Variants in EXD3 observed in about 807,000 individuals in gnomAD.
EXD3 encodes the protein exonuclease mut-7 homolog.
EXD3 carries 92 observed loss-of-function variants against 98.0 expected under a neutral mutation model. The ratio of observed to expected loss-of-function variants is 0.94; its 90% confidence interval spans 0.79 to 1.12. The LOEUF is 1.12. EXD3 is among the 50% of genes most tolerant of loss of function. EXD3 has a pLI of 0.00. For synonymous variants in EXD3, 569 were observed against 526.0 expected (o/e 1.08, Z -1.12); for missense variants, 1,222 against 1,191.6 (o/e 1.03, Z -0.38).
At chr9:137,408,464 G>A (rs1193311997) in intron 1 of EXD3, among the ~76,000 whole-genome samples, 3 of 149,048 alleles carry the variant, frequency 2.0e-5, no homozygotes, top group African/African-American at 4.9e-5. Flanking sequence ...GGTGAATGGC[G>A]TGAACCCGGG....
intron 1 of EXD3, among the ~76,000 whole-genome samples, chr9:137,397,249 C>G (rs868854837): frequency 3.9e-5 from 6 of 152,180 alleles, no homozygotes; most frequent in Non-Finnish European, 7.3e-5. Flanking sequence ...ACCAAGCCCA[C>G]GAAAGCCGGA....
intron 14 of EXD3, 129 bp downstream of exon 14, chr9:137,350,909 A>G: frequency 1.4e-6 from 1 of 719,174 alleles, no homozygotes; most frequent in Non-Finnish European, 2.3e-6. Flanking sequence ...GGCCCTGGTG[A>G]CTGAGGCTGT....
In EXD3 at chr9:137,385,734, A is replaced by G. The variant is rs1408737035; in HGVS notation, c.56-2357T>C. ...TTTTTAGTAGAGACGGGTTTTCACCATGTTGGCCAGGCTGGTCTTGAACTC... is the reference window on the plus strand; with the variant it reads ...TTTTTAGTAGAGACGGGTTTTCACCGTGTTGGCCAGGCTGGTCTTGAACTC... On this transcript the variant is annotated intron_variant, in intron 2 of 21. Transcript: ENST00000340951. This position sits in a 1 kb window ranked among gnomAD's most constrained non-coding sequence, Gnocchi z 4.4. Among the ~76,000 whole-genome samples the G allele has an allele frequency of 6.6e-6, 1 of 151,994 alleles. No homozygotes were observed. Among genetic ancestry groups the G allele is most frequent in the Non-Finnish European group, 1.5e-5 (1 of 68,016 alleles).
intron 3 of EXD3, among the ~76,000 whole-genome samples, chr9:137,378,613 C>T (rs1314404929): frequency 6.6e-6 from 1 of 152,218 alleles, no homozygotes; most frequent in Non-Finnish European, 1.5e-5. Context: ...CGCAGATGAC[C>T]CTCAGCTGTC....
chr9:137,355,187 C>T lies in EXD3; in HGVS notation c.758-414G>A, dbSNP rs899939244. ...CATGAGCGGCAGGGACTGAGGCACA[C>T]GCACGTCCACACCCTCCGTCAGCCT... On this transcript the variant is annotated intron_variant, in intron 8 of 21. Coordinates refer to ENST00000340951, the MANE Select transcript of EXD3 (RefSeq NM_017820.5). 1.2e-4 allele frequency among the ~76,000 whole-genome samples: 18 copies of T among 152,258 alleles called. No homozygotes were observed. The East Asian group carries it at 1.4e-3, about 11-fold the overall frequency.
chr9:137,317,411 C>T (rs1039189214), intron 19 of EXD3, among the ~76,000 whole-genome samples: 1 of 152,128 alleles, frequency 6.6e-6, no homozygotes, highest in African/African-American at 2.4e-5. Context: ...CCCGGGGCCA[C>T]CTGAGGAGGG....
At chr9:137,356,142 C>A in intron 8 of EXD3, 126 bp downstream of exon 8, 2 of 691,182 alleles carry the variant, frequency 2.9e-6, no homozygotes, top group Non-Finnish European at 4.9e-6. Flanking sequence ...CAGGGAGGGG[C>A]TCTCTGGGAA....
chr9:137,410,612 C>G (rs1329386242), intron 1 of EXD3, among the ~76,000 whole-genome samples: 1 of 152,146 alleles, frequency 6.6e-6, no homozygotes, highest in Non-Finnish European at 1.5e-5. Flanking sequence ...TTCTGAGAAC[C>G]CCAGAGGCTC....
chr9:137,401,153 T>G (rs1482893174), intron 1 of EXD3, among the ~76,000 whole-genome samples: 14 of 14,810 alleles, frequency 9.5e-4, no homozygotes, highest in Admixed American at 1.1e-3. Context: ...ACCCATTTCC[T>G]TTTTTTTTTT....
At chr9:137,398,842 G>A (rs1425109587) in intron 1 of EXD3, among the ~76,000 whole-genome samples, 1 of 133,744 alleles carries the variant, frequency 7.5e-6, no homozygotes, top group Non-Finnish European at 1.6e-5. Flanking sequence ...ACGTGCACCC[G>A]CATCCCCAAG....
At chr9:137,338,047 A>G (rs1216012772) in intron 17 of EXD3, among the ~76,000 whole-genome samples, 1 of 152,174 alleles carries the variant, frequency 6.6e-6, no homozygotes, top group Non-Finnish European at 1.5e-5. Flanking sequence ...TCGGCCTCCC[A>G]AAGTGCTGGG....
At chr9:137,325,139 G>A (rs958693603) in intron 17 of EXD3, among the ~76,000 whole-genome samples, 12 of 152,148 alleles carry the variant, frequency 7.9e-5, no homozygotes, top group African/African-American at 2.9e-4. Flanking sequence ...CAATCCCATC[G>A]CCGGGAGTGC....
intron 17 of EXD3, among the ~76,000 whole-genome samples, chr9:137,330,446 C>G (rs561389774): frequency 3.4e-5 from 4 of 117,080 alleles, no homozygotes; most frequent in South Asian, 5.9e-4. Context: ...CTACACAGGA[C>G]TACACAGGAG....
chr9:137,419,936 G>T (rs1437822927), intron 1 of EXD3, among the ~76,000 whole-genome samples: 1 of 152,136 alleles, frequency 6.6e-6, no homozygotes, highest in African/African-American at 2.4e-5. Context: ...AAGGCGGGCG[G>T]ATCACGAGGT....
rs1440764084 is a variant in EXD3, at chr9:137,373,073, C to G, written c.295-1G>C. The G allele has an allele frequency of 3.3e-5, 52 of 1,565,548 alleles. No individual in the cohort carries two copies. In the Admixed American group the frequency reaches 9.3e-4, roughly 28 times the overall value. Reference sequence around the variant, plus strand: ...GCAGCTGCTTCAGCCTCAGGCTGTGCTGGAAGAGCAGGGACCCAGACTTAC... The same window carrying G: ...GCAGCTGCTTCAGCCTCAGGCTGTGGTGGAAGAGCAGGGACCCAGACTTAC... On this transcript the variant is annotated splice_acceptor_variant, in intron 4 of 21. Coordinates refer to ENST00000340951, the MANE Select transcript of EXD3 (RefSeq NM_017820.5). LOFTEE classifies it high-confidence loss of function.
At chr9:137,382,195 A>C in intron 3 of EXD3, among the ~76,000 whole-genome samples, 1 of 151,646 alleles carries the variant, frequency 6.6e-6, no homozygotes, top group African/African-American at 2.4e-5. Flanking sequence ...CGCGCGGAGG[A>C]GGTGAGGGCA....
At chr9:137,408,653 C>G (rs943546135) in intron 1 of EXD3, among the ~76,000 whole-genome samples, 1 of 152,016 alleles carries the variant, frequency 6.6e-6, no homozygotes, top group Non-Finnish European at 1.5e-5. Flanking sequence ...TCCAGCACAG[C>G]TGAACCGGCC....
Position 137,393,111 on chromosome 9 carries a change from G to A in EXD3, c.55+2192C>T, listed in dbSNP as rs893319440. 1.4e-6 allele frequency: 1 copy of A among 698,942 alleles called. No homozygotes were observed. The highest frequency in any genetic ancestry group is 1.8e-5 in the African/African-American group (1 of 56,684). The allele number at this position is 698,942 out of a possible 1,614,324, so 43.3% of individuals were successfully genotyped here. ...GGTGGGGGTGCCGTGTCTGTTCCAG[G>A]GAGGGCCATTAGTGTTCCAGGGGGC... On this transcript the variant is annotated intron_variant, in intron 2 of 21. Coordinates refer to ENST00000340951, the MANE Select transcript of EXD3 (RefSeq NM_017820.5). This position sits in a 1 kb window ranked among gnomAD's most constrained non-coding sequence, Gnocchi z 4.6.
chr9:137,407,231 C>T lies in EXD3; in HGVS notation c.-47-11827G>A, dbSNP rs896115152. Among the ~76,000 whole-genome samples the T allele has an allele frequency of 2.0e-5, 3 of 152,204 alleles. No homozygotes were observed. The highest frequency in any genetic ancestry group is 4.4e-5 in the Non-Finnish European group (3 of 68,026). On this transcript the variant is annotated intron_variant, in intron 1 of 21. Coordinates refer to ENST00000340951, the MANE Select transcript of EXD3 (RefSeq NM_017820.5). The surrounding 1 kb of genome is among the most constrained non-coding windows in gnomAD (Gnocchi z 4.4). ...GCGTCGGTCCCAGGCGCCTCCCCTA[C>T]CCGCACGCCCAGGCTGGGTCTCCGT...
Sources: allele counts gnomAD v4.1 joint callset (sites outside exome capture counted in the v4.1 genomes callset), GRCh38; gene constraint gnomAD v4.1.1; non-coding constraint Gnocchi (gnomAD v3.1); transcripts MANE v1.5; gene names NCBI Gene and HGNC (gene_info 2026-07-23, HGNC 2026-07-21).